KIF1B: variants seen among roughly 807,000 people sequenced by gnomAD.
KIF1B encodes the protein kinesin-like protein KIF1B.
In KIF1B, 76 loss-of-function variants were observed where a neutral mutation model predicts 241.9. The ratio of observed to expected loss-of-function variants is 0.31; its 90% CI spans 0.26 to 0.38. KIF1B has a LOEUF of 0.38. Among genes scored for constraint, KIF1B ranks in the 10% least tolerant of loss-of-function variants. The probability of loss-of-function intolerance (pLI) is 1.00; values close to 1 mark genes in which losing one functional copy is unlikely to be tolerated. For missense variants in KIF1B, 1,622 were observed against 2,271.4 expected, an observed-to-expected ratio of 0.71 and a Z score of 5.81; for synonymous variants, 750 against 796.7, an observed-to-expected ratio of 0.94 and a Z score of 0.99.
rs181064699 is a variant in KIF1B at position 10,217,838 on chromosome 1, C to T, written c.-80+6960C>T. Among the ~76,000 whole-genome samples the T allele has an allele frequency of 2.7e-3, 410 of 152,084 alleles. 1 individual carries two copies. Among genetic ancestry groups the T allele is most frequent in the Admixed American group, 4.2e-3 (64 of 15,242 alleles). ...TGATTACATTCTCGATTCTCTATACCTGATTTATTAATTTTAATGTCCTCC... is the reference window on the plus strand; with the variant it reads ...TGATTACATTCTCGATTCTCTATACTTGATTTATTAATTTTAATGTCCTCC... On this transcript the variant is annotated intron_variant, in intron 1 of 48. Coordinates refer to ENST00000676179, the MANE Select transcript of KIF1B (RefSeq NM_001365951.3).
In KIF1B at chr1:10,286,279, AT is replaced by A. The variant is rs372440543; in HGVS notation, c.1434+3747del. Among the ~76,000 whole-genome samples, 28 of 152,312 alleles carry A rather than the reference AT, an allele frequency of 1.8e-4. No homozygotes were observed. In the East Asian group the frequency reaches 2.9e-3, roughly 16 times the overall value. On this transcript the variant is annotated intron_variant, in intron 15 of 48. Transcript: ENST00000676179. ...GGTCTCAAACTTCTGACTACAGGTGATCTGCCTGCCTCGGCCTCCCAAAGTG... is the reference window on the plus strand; with the variant it reads ...GGTCTCAAACTTCTGACTACAGGTGACTGCCTGCCTCGGCCTCCCAAAGTG...
rs1222194805 is a variant in KIF1B, at chr1:10,303,180, C to T, written c.2115+5934C>T. 8.7e-6 allele frequency: 14 copies of T among 1,612,988 alleles called. No homozygotes were observed. Among genetic ancestry groups the T allele is most frequent in the Middle Eastern group, 1.6e-4 (1 of 6,082 alleles). ...TTCCAAAGGACGCGGATTCTGATAG[C>T]GGGGACGATTCTGACAAGAGGTCGT... On this transcript the variant is annotated intron_variant, in intron 22 of 48. Transcript: ENST00000676179. The surrounding 1 kb of genome is among the most constrained non-coding windows in gnomAD (Gnocchi z 5.2).
At chr1:10,233,466 C>T (rs977958893) in intron 2 of KIF1B, among the ~76,000 whole-genome samples, 4 of 151,934 alleles carry the variant, frequency 2.6e-5, no homozygotes, top group African/African-American at 9.7e-5. Context: ...GGCAATAGAG[C>T]AAGACCCTGC....
In KIF1B at chr1:10,303,405, C is replaced by G. The variant is rs1650640500; in HGVS notation, c.2115+6159C>G. On this transcript the variant is annotated intron_variant, in intron 22 of 48. Coordinates refer to ENST00000676179, the MANE Select transcript of KIF1B (RefSeq NM_001365951.3). The surrounding 1 kb of genome is among the most constrained non-coding windows in gnomAD (Gnocchi z 5.2). ...TCTCAGATCTTAAAATTCAGGCTGT[C>G]AAAGAGATTTGCTATGAGGTTGCTC... is the stretch of plus-strand genomic sequence containing the variant. The G allele has an allele frequency of 1.2e-6, 2 of 1,614,192 alleles. No individual in the cohort carries two copies. The highest frequency in any genetic ancestry group is 1.7e-5 in the Admixed American group (1 of 60,016).
Position 10,296,791 on chromosome 1 carries a change from C to A in KIF1B, c.1862-106C>A, listed in dbSNP as rs1372822111. 6.6e-6 allele frequency: 9 copies of A among 1,359,716 alleles called. No individual in the cohort carries two copies. The East Asian group carries it at 2.2e-4, about 34-fold the overall frequency. 84.2% of individuals were successfully genotyped at this position (1,359,716 alleles called of 1,614,324 possible). On this transcript the variant is annotated intron_variant, in intron 20 of 48. Transcript: ENST00000676179. ...AGGATTTTTGTTCTTGTAAAAACAACAGCTCTGAAAGCTGTCTTTTCACAT... is the reference window on the plus strand; with the variant it reads ...AGGATTTTTGTTCTTGTAAAAACAAAAGCTCTGAAAGCTGTCTTTTCACAT...
At chr1:10,346,179 G>A (rs1652581593) in intron 35 of KIF1B, among the ~76,000 whole-genome samples, 1 of 152,052 alleles carries the variant, frequency 6.6e-6, no homozygotes, top group African/African-American at 2.4e-5. Flanking sequence ...ACCTCCCAAA[G>A]TGCTGAGATT....
chr1:10,361,750 C>G lies in KIF1B; in HGVS notation c.4229C>G (p.Ser1410Cys). The G allele has an allele frequency of 6.2e-7, 1 of 1,614,104 alleles. No individual in the cohort carries two copies. Among genetic ancestry groups the G allele is most frequent in the Non-Finnish European group, 8.5e-7 (1 of 1,180,014 alleles). Reference protein sequence around the residue: ...ITKDVCMVFYSRDAKISPPRS... With the variant: ...ITKDVCMVFYCRDAKISPPRS... Reference sequence around the variant, plus strand: ...AAGGATGTGTGCATGGTCTTCTACTCCCGAGATGCCAAGATCTCACCACCA... The same window carrying G: ...AAGGATGTGTGCATGGTCTTCTACTGCCGAGATGCCAAGATCTCACCACCA... Residue 1410 changes from serine to cysteine, a missense_variant, in exon 40 of 49, where the codon TCC (serine) becomes TGC (cysteine). Physicochemically the swap from Ser to Cys is moderately radical, Grantham distance 112 (BLOSUM62 -1). Coordinates refer to ENST00000676179, the MANE Select transcript of KIF1B (RefSeq NM_001365951.3).
At chr1:10,360,377 A>T (rs1441210585) in intron 38 of KIF1B, among the ~76,000 whole-genome samples, 1 of 152,054 alleles carries the variant, frequency 6.6e-6, no homozygotes, top group African/African-American at 2.4e-5. Context: ...CAGGCTTGTC[A>T]AAACAAAATT....
intron 22 of KIF1B, among the ~76,000 whole-genome samples, chr1:10,312,254 A>T (rs1045474186): frequency 1.3e-5 from 2 of 151,476 alleles, no homozygotes; most frequent in Non-Finnish European, 2.9e-5. Context: ...TTCACATCCC[A>T]TGATCAGATC....
chr1:10,349,667 C>G (rs556656282), intron 37 of KIF1B, among the ~76,000 whole-genome samples: 29 of 149,532 alleles, frequency 1.9e-4, no homozygotes, highest in Non-Finnish European at 3.1e-4. Context: ...GTAAGAGAGT[C>G]AGGAATATGT....
intron 44 of KIF1B, among the ~76,000 whole-genome samples, chr1:10,370,901 C>A (rs1638714389): frequency 6.6e-6 from 1 of 151,950 alleles, no homozygotes; most frequent in South Asian, 2.1e-4. Context: ...AGTTGGAGGC[C>A]ACAGGAAGCT....
At chr1:10,218,996 G>A (rs1646804571) in intron 1 of KIF1B, among the ~76,000 whole-genome samples, 1 of 152,108 alleles carries the variant, frequency 6.6e-6, no homozygotes, top group East Asian at 1.9e-4. Flanking sequence ...GGCTAATGTG[G>A]TTATTGTAAT....
At chr1:10,259,508 TTTTTTTTTTTTTG>T (rs1459111525) in intron 4 of KIF1B, among the ~76,000 whole-genome samples, 1 of 150,118 alleles carries the variant, frequency 6.7e-6, no homozygotes, top group African/African-American at 2.4e-5. Context: ...AAAAAAAATT[TTTTTTTTTTTTTG>T]AGGTGGAGTC....
At chr1:10,285,426 T>G (rs1435741228) in intron 15 of KIF1B, among the ~76,000 whole-genome samples, 3 of 152,172 alleles carry the variant, frequency 2.0e-5, no homozygotes, top group African/African-American at 4.8e-5. Context: ...GTCTTCCAAA[T>G]AATTTCTAGG....
chr1:10,362,461 G>A (rs544600314), intron 40 of KIF1B, among the ~76,000 whole-genome samples: 12 of 149,198 alleles, frequency 8.0e-5, no homozygotes, highest in Non-Finnish European at 1.8e-4. Context: ...GGGTGAAACA[G>A]TGAGACCCTG....
chr1:10,295,136 A>C lies in KIF1B; in HGVS notation c.1641A>C (p.Leu547=). Residue 547 remains leucine (L), a synonymous_variant, in exon 18 of 49, where the codon CTA becomes CTC. Coordinates refer to ENST00000676179, the MANE Select transcript of KIF1B (RefSeq NM_001365951.3). Reference sequence around the variant, plus strand: ...AAGACCCACTAATGTCTGAGTGCCTACTTTATTACATCAAAGATGGAATTA... The same window carrying C: ...AAGACCCACTAATGTCTGAGTGCCTCCTTTATTACATCAAAGATGGAATTA... ...LNEDPLMSEC[L]LYYIKDGITR... is the part of the protein sequence containing the mutation. 6.2e-7 allele frequency: 1 copy of C among 1,606,034 alleles called. No individual in the cohort carries two copies. The highest frequency in any genetic ancestry group is 1.1e-5 in the South Asian group (1 of 90,906).
At chr1:10,269,119 C>T (rs1484670257) in intron 7 of KIF1B, among the ~76,000 whole-genome samples, 2 of 152,094 alleles carry the variant, frequency 1.3e-5, no homozygotes, top group East Asian at 1.9e-4. Flanking sequence ...ATAAAAGATC[C>T]TTTGCCTTAT....
chr1:10,223,555 T>TGA (rs1646872651), intron 1 of KIF1B, among the ~76,000 whole-genome samples: 2 of 150,354 alleles, frequency 1.3e-5, no homozygotes, highest in South Asian at 4.2e-4. Flanking sequence ...TGTTTTTTTT[T>TGA]TTTTTTTTTT....
At chr1:10,275,958 T>C (rs943949094) in intron 11 of KIF1B, among the ~76,000 whole-genome samples, 5 of 150,462 alleles carry the variant, frequency 3.3e-5, no homozygotes, top group Non-Finnish European at 7.4e-5. Flanking sequence ...CAGGCTGGAG[T>C]GCGGTGGTGC....
Sources: gnomAD v4.1 joint callset for allele counts (sites outside exome capture counted in the v4.1 genomes callset) on GRCh38, gnomAD v4.1.1 for gene constraint, Gnocchi (gnomAD v3.1) non-coding constraint, MANE v1.5 for transcripts, NCBI Gene and HGNC (gene_info 2026-07-23, HGNC 2026-07-21) for gene names.